MYOF: variants seen among roughly 807,000 people sequenced by gnomAD.
MYOF encodes myoferlin.
Under a neutral mutation model 284.2 loss-of-function variants are expected in MYOF, and 244 were observed. The observed-to-expected ratio is 0.86, with a 90% confidence interval of 0.77 to 0.95. MYOF has a LOEUF of 0.95. Among genes scored for constraint, MYOF ranks in the 40% least tolerant of loss-of-function variants. MYOF has a pLI of 0.00. For missense variants in MYOF, 2,496 were observed against 2,560.6 expected (o/e 0.97, Z 0.54); for synonymous variants, 904 against 919.7 (o/e 0.98, Z 0.31).
At chr10:93,460,077 G>A (rs1399071525) in intron 1 of MYOF, among the ~76,000 whole-genome samples, 1 of 152,164 alleles carries the variant, frequency 6.6e-6, no homozygotes, top group African/African-American at 2.4e-5. Context: ...ACCCAGGCTT[G>A]GGGTAGGATT....
intron 3 of MYOF, among the ~76,000 whole-genome samples, chr10:93,432,787 A>C (rs144969476): frequency 1.6e-3 from 241 of 152,254 alleles, no homozygotes; most frequent in Non-Finnish European, 3.0e-3. Context: ...AGCCCCCTCG[A>C]CTCAGGGATT....
chr10:93,356,362 A>G (rs1844803241), intron 30 of MYOF, among the ~76,000 whole-genome samples: 1 of 152,216 alleles, frequency 6.6e-6, no homozygotes, highest in South Asian at 2.1e-4. Context: ...ATGTGATTCA[A>G]AGAACTTGTG....
At chr10:93,448,275 C>T (rs975404174) in intron 3 of MYOF, among the ~76,000 whole-genome samples, 3 of 151,354 alleles carry the variant, frequency 2.0e-5, no homozygotes, top group Non-Finnish European at 4.4e-5. Context: ...ATTGCAATTA[C>T]TTTTGTGATT....
intron 24 of MYOF, among the ~76,000 whole-genome samples, chr10:93,370,314 ATTT>A (rs916555324): frequency 0.21 from 25,028 of 121,872 alleles, 2,385 homozygotes; most frequent in Admixed American, 0.26. Context: ...ATGATTACTA[ATTT>A]TTTTTTTTTT....
intron 48 of MYOF, among the ~76,000 whole-genome samples, chr10:93,322,524 G>A (rs1277545557): frequency 6.6e-6 from 1 of 152,186 alleles, no homozygotes; most frequent in Non-Finnish European, 1.5e-5. Context: ...CCACAGAGAC[G>A]ATTTAATTGA....
At chr10:93,474,271 G>T (rs115521785) in intron 1 of MYOF, among the ~76,000 whole-genome samples, 1 of 151,964 alleles carries the variant, frequency 6.6e-6, no homozygotes, top group Non-Finnish European at 1.5e-5. Context: ...TTCACATTGC[G>T]GCCTAGCGGC....
intron 5 of MYOF, among the ~76,000 whole-genome samples, chr10:93,423,142 A>T (rs977829366): frequency 1.3e-5 from 2 of 152,100 alleles, no homozygotes; most frequent in Admixed American, 1.3e-4. Flanking sequence ...GAAGGTTAGG[A>T]CTCACCCTAA....
intron 4 of MYOF, among the ~76,000 whole-genome samples, chr10:93,428,234 T>C (rs981766175): frequency 1.3e-5 from 2 of 150,962 alleles, no homozygotes; most frequent in Admixed American, 1.3e-4. Flanking sequence ...TCTCACTCTG[T>C]TGCCCAGGCT....
chr10:93,375,202 C>T (rs2298155), intron 22 of MYOF, among the ~76,000 whole-genome samples: 36,769 of 152,090 alleles, frequency 0.24, 5,891 homozygotes, highest in East Asian at 0.86. Context: ...CCATTTTAGG[C>T]CTTAGGGTTT....
intron 23 of MYOF, among the ~76,000 whole-genome samples, chr10:93,374,198 T>C (rs2133975273): frequency 6.6e-6 from 1 of 152,346 alleles, no homozygotes; most frequent in South Asian, 2.1e-4. Flanking sequence ...TACTCATCCT[T>C]TTTTATGGCT....
rs1201442194 is a variant in MYOF at position 93,328,879 on chromosome 10, C to G, written c.5015G>C (p.Arg1672Thr). 6.2e-7 allele frequency: 1 copy of G among 1,612,434 alleles called. No homozygotes were observed. Among genetic ancestry groups the G allele is most frequent in the Non-Finnish European group, 8.5e-7 (1 of 1,178,746 alleles). Residue 1672 changes from arginine to threonine, a missense_variant, in exon 45 of 54, where the codon AGA (arginine) becomes ACA (threonine). By Grantham distance (71) the Arg-to-Thr change is moderately conservative. This residue lies in a region of MYOF where 2,436 missense variants were observed against 2,480.7 expected (regional missense o/e 0.98). Coordinates refer to ENST00000359263, the MANE Select transcript of MYOF (RefSeq NM_013451.4). ...GACATTTTGAAGCAGCTGTGTTGGT[C>G]TCAGTTGATCTCGCCAGGTATTGAC... Reference protein sequence around the residue: ...SGVNTWRDQLRPTQLLQNVAR... With the variant: ...SGVNTWRDQLTPTQLLQNVAR...
chr10:93,383,085 G>C (rs934991634), intron 19 of MYOF, among the ~76,000 whole-genome samples: 1 of 151,982 alleles, frequency 6.6e-6, no homozygotes, highest in African/African-American at 2.4e-5. Context: ...TAGTAGACAC[G>C]GGGTTTTACC....
At chr10:93,374,461 C>T (rs144515516) in intron 23 of MYOF, among the ~76,000 whole-genome samples, 36 of 152,298 alleles carry the variant, frequency 2.4e-4, no homozygotes, top group Non-Finnish European at 3.5e-4. Context: ...ACATTTTAAT[C>T]CTGTGAACTG....
At chr10:93,401,275 G>T in intron 12 of MYOF, 143 bp downstream of exon 12, 3 of 1,212,156 alleles carry the variant, frequency 2.5e-6, no homozygotes, top group Non-Finnish European at 3.4e-6. Context: ...AACTGGGCCA[G>T]AATGAATGAA....
At chr10:93,406,023 T>C (rs1847548693) in intron 7 of MYOF, among the ~76,000 whole-genome samples, 2 of 151,616 alleles carry the variant, frequency 1.3e-5, no homozygotes, top group East Asian at 4.0e-4. Context: ...AGTGGCCCAA[T>C]CTTGGCTCAC....
intron 31 of MYOF, among the ~76,000 whole-genome samples, chr10:93,355,275 A>G (rs1720155019): frequency 6.6e-6 from 1 of 152,244 alleles, no homozygotes; most frequent in Non-Finnish European, 1.5e-5. Flanking sequence ...GAGTTACAGA[A>G]GTGGAATTCA....
intron 19 of MYOF, 45 bp from the exon 20 acceptor site, chr10:93,381,441 T>C: frequency 3.8e-6 from 6 of 1,593,122 alleles, no homozygotes; most frequent in Non-Finnish European, 5.1e-6. Flanking sequence ...AGGCCATTTG[T>C]TCTTATTTAC....
intron 13 of MYOF, among the ~76,000 whole-genome samples, 154 bp from the exon 14 acceptor site, chr10:93,397,610 C>G (rs779210109): frequency 1.3e-5 from 2 of 150,970 alleles, no homozygotes; most frequent in Non-Finnish European, 2.9e-5. Context: ...TAAAATATGA[C>G]ATGGGTTTAA....
intron 7 of MYOF, among the ~76,000 whole-genome samples, chr10:93,407,134 C>T (rs1589520077): frequency 1.3e-5 from 2 of 152,112 alleles, no homozygotes; most frequent in African/African-American, 2.4e-5. Context: ...GCTAAGTTCT[C>T]AGTATGGGAG....
Sources: gnomAD v4.1 joint callset for allele counts (sites outside exome capture counted in the v4.1 genomes callset) on GRCh38, gnomAD v4.1.1 for gene constraint, gnomAD v4.1.1 regional missense constraint, MANE v1.5 for transcripts, NCBI Gene and HGNC (gene_info 2026-07-23, HGNC 2026-07-21) for gene names.